The following ABHD2 variants were observed in gnomAD, a reference collection of about 807,000 sequenced individuals.
ABHD2 encodes monoacylglycerol lipase ABHD2.
Under a neutral mutation model 48.1 loss-of-function variants are expected in ABHD2, and 20 were observed. The ratio of observed to expected loss-of-function variants is 0.42; its 90% CI spans 0.29 to 0.60. The LOEUF (loss-of-function observed/expected upper bound fraction) is 0.60, where lower values mean the gene tolerates loss of function less well. Among genes scored for constraint, ABHD2 ranks in the 20% least tolerant of loss-of-function variants. The probability of loss-of-function intolerance (pLI) is 0.24; values close to 1 mark genes in which losing one functional copy is unlikely to be tolerated. For missense variants in ABHD2, 405 were observed against 550.9 expected (o/e 0.74, Z 2.65); for synonymous variants, 209 against 214.2 (o/e 0.98, Z 0.21).
chr15:89,049,491 G>A, the ABHD2 span, among the ~76,000 whole-genome samples: 3 of 152,150 alleles, frequency 2.0e-5, no homozygotes, highest in East Asian at 3.9e-4. Flanking sequence ...CCCCAGCCTC[G>A]CTGCCGCCTT....
At chr15:89,042,959 C>T in the ABHD2 span, among the ~76,000 whole-genome samples, 1 of 152,152 alleles carries the variant, frequency 6.6e-6, no homozygotes, top group African/African-American at 2.4e-5. Flanking sequence ...TAAGCCACGG[C>T]GCCCGGCCTA....
upstream of ABHD2, among the ~76,000 whole-genome samples, chr15:89,086,803 G>A (rs1901364019): frequency 6.6e-6 from 1 of 152,032 alleles, no homozygotes; most frequent in Non-Finnish European, 1.5e-5. Flanking sequence ...GCTCTTTTTT[G>A]GAAGTCCAAA....
chr15:89,064,298 C>A, the ABHD2 span, among the ~76,000 whole-genome samples: 1,939 of 147,554 alleles, frequency 0.013, 49 homozygotes, highest in African/African-American at 0.047. Context: ...CTGCTCACTG[C>A]AACCTCTGCC....
chr15:89,150,118 T>C (rs1285753566), intron 3 of ABHD2, among the ~76,000 whole-genome samples: 2 of 152,236 alleles, frequency 1.3e-5, no homozygotes, highest in African/African-American at 4.8e-5. Context: ...TTATATTGTA[T>C]TCTAAACATG....
chr15:89,069,129 T>TC, the ABHD2 span, among the ~76,000 whole-genome samples: 1 of 147,394 alleles, frequency 6.8e-6, no homozygotes, highest in East Asian at 2.0e-4. Context: ...TTTCTTTTTT[T>TC]TTTTTTTTTT....
chr15:89,051,306 T>C, the ABHD2 span, among the ~76,000 whole-genome samples: 1 of 152,180 alleles, frequency 6.6e-6, no homozygotes, highest in African/African-American at 2.4e-5. Flanking sequence ...ATAAATCCTA[T>C]ATACCTCATA....
chr15:89,181,058 T>C (rs575932017), intron 6 of ABHD2, among the ~76,000 whole-genome samples: 1 of 151,796 alleles, frequency 6.6e-6, no homozygotes, highest in Non-Finnish European at 1.5e-5. Flanking sequence ...AAACACCACC[T>C]CTACTAGAAA....
Position 89,091,623 on chromosome 15 carries a change from C to A in ABHD2, c.-107+3060C>A, listed in dbSNP as rs1430145027. Among the ~76,000 whole-genome samples, 1 of 152,174 alleles carries A rather than the reference C, an allele frequency of 6.6e-6. No homozygotes were observed. The highest frequency in any genetic ancestry group is 1.9e-4 in the East Asian group (1 of 5,194). On this transcript the variant is annotated intron_variant, in intron 1 of 10. Coordinates refer to ENST00000352732, the MANE Select transcript of ABHD2 (RefSeq NM_152924.5). The surrounding 1 kb of genome is among the most constrained non-coding windows in gnomAD (Gnocchi z 5.5). ...TCCTGCCCCGAGCAGGAAATAATTTCTTTGGTCTTATGGGAGACAGGGGTA... is the reference window on the plus strand; with the variant it reads ...TCCTGCCCCGAGCAGGAAATAATTTATTTGGTCTTATGGGAGACAGGGGTA...
At chr15:89,048,874 G>A in the ABHD2 span, among the ~76,000 whole-genome samples, 20 of 147,334 alleles carry the variant, frequency 1.4e-4, no homozygotes, top group East Asian at 5.8e-4. Flanking sequence ...TAATTTGATC[G>A]TCTGAAGCCT....
the ABHD2 span, among the ~76,000 whole-genome samples, chr15:89,073,165 T>A: frequency 5.3e-5 from 8 of 152,122 alleles, no homozygotes; most frequent in Admixed American, 2.0e-4. Context: ...CTCAGAAAAT[T>A]CCCACTTCTA....
chr15:89,077,948 G>C, the ABHD2 span, among the ~76,000 whole-genome samples: 301 of 152,240 alleles, frequency 2.0e-3, 1 homozygote, highest in African/African-American at 6.9e-3. Context: ...CCTCTCCCCT[G>C]CTTACCAATG....
intron 6 of ABHD2, among the ~76,000 whole-genome samples, chr15:89,178,290 T>C (rs184868284): frequency 6.6e-6 from 1 of 152,344 alleles, no homozygotes; most frequent in East Asian, 1.9e-4. Context: ...ACCAGATCTA[T>C]GGAATAAATG....
At chr15:89,093,254 C>T (rs562935701) in intron 1 of ABHD2, among the ~76,000 whole-genome samples, 168 of 146,586 alleles carry the variant, frequency 1.1e-3, no homozygotes, top group Non-Finnish European at 2.1e-3. Flanking sequence ...AATCTTGGCT[C>T]GCTGCAACCT....
At chr15:89,089,991 G>A (rs968657158) in intron 1 of ABHD2, among the ~76,000 whole-genome samples, 2 of 152,194 alleles carry the variant, frequency 1.3e-5, no homozygotes, top group South Asian at 2.1e-4. Flanking sequence ...GCACAGGTGA[G>A]GAAACTGAGG....
At chr15:89,123,971 T>A (rs1194580870) in intron 3 of ABHD2, among the ~76,000 whole-genome samples, 1 of 152,166 alleles carries the variant, frequency 6.6e-6, no homozygotes, top group African/African-American at 2.4e-5. Flanking sequence ...CAGTACCAAC[T>A]CCCTCTCTAT....
chr15:89,101,995 G>A (rs1218311382), intron 1 of ABHD2, among the ~76,000 whole-genome samples: 1 of 152,184 alleles, frequency 6.6e-6, no homozygotes, highest in East Asian at 1.9e-4. Flanking sequence ...GGCAGCACCT[G>A]TGTAGCGTCA....
the ABHD2 span, among the ~76,000 whole-genome samples, chr15:89,080,455 G>A: frequency 6.6e-5 from 10 of 152,120 alleles, no homozygotes; most frequent in African/African-American, 1.9e-4. Context: ...GAGAACCAGG[G>A]AAAGCATCAG....
chr15:89,140,132 T>C (rs1250703362), intron 3 of ABHD2, among the ~76,000 whole-genome samples: 1 of 152,210 alleles, frequency 6.6e-6, no homozygotes, highest in Non-Finnish European at 1.5e-5. Flanking sequence ...AGCCGGTGTG[T>C]AGAGCTGAGC....
rs74029909 is a variant in ABHD2 at position 89,152,489 on chromosome 15, A to G, written c.370+637A>G. ...CCAGGCCTCTGGGTTGATGACAGCA[A>G]CAGAGGCCAGACCATTCTCAGTGCT... On this transcript the variant is annotated intron_variant, in intron 4 of 10. Coordinates refer to ENST00000352732, the MANE Select transcript of ABHD2 (RefSeq NM_152924.5). 2.7e-3 allele frequency among the ~76,000 whole-genome samples: 411 copies of G among 152,332 alleles called. 2 individuals are homozygous for G. Among genetic ancestry groups the G allele is most frequent in the African/African-American group, 9.2e-3 (383 of 41,586 alleles).
Sources: allele counts gnomAD v4.1 joint callset (sites outside exome capture counted in the v4.1 genomes callset), GRCh38; gene constraint gnomAD v4.1.1; non-coding constraint Gnocchi (gnomAD v3.1); transcripts MANE v1.5; gene names NCBI Gene and HGNC (gene_info 2026-07-23, HGNC 2026-07-21).